The following CDK14 variants were observed in gnomAD, a reference collection of about 807,000 sequenced individuals.
CDK14 encodes the protein cyclin dependent kinase 14, also known as cyclin-dependent kinase 14.
In CDK14, 34 loss-of-function variants were observed where a neutral mutation model predicts 60.7. The observed-to-expected ratio is 0.56, with a 90% CI of 0.43 to 0.75. The LOEUF (loss-of-function observed/expected upper bound fraction) is 0.75, where lower values mean the gene tolerates loss of function less well. Ranked by LOEUF, CDK14 falls within the 30% of genes least tolerant of loss-of-function variation. The pLI, the probability that CDK14 is intolerant of heterozygous loss-of-function variation, is 0.00. For missense variants in CDK14, 482 were observed against 564.1 expected, an observed-to-expected ratio of 0.85 and a Z score of 1.47; for synonymous variants, 197 against 203.7, an observed-to-expected ratio of 0.97 and a Z score of 0.28.
chr7:91,155,767 C>T (rs944773738), intron 14 of CDK14, among the ~76,000 whole-genome samples: 3 of 152,050 alleles, frequency 2.0e-5, no homozygotes, highest in African/African-American at 7.2e-5. Flanking sequence ...GTAGAATGAC[C>T]CATTAACAAG....
At chr7:91,135,302 T>C (rs2115570051) in intron 14 of CDK14, among the ~76,000 whole-genome samples, 2 of 152,270 alleles carry the variant, frequency 1.3e-5, no homozygotes, top group African/African-American at 4.8e-5. Context: ...ATGCCTCACT[T>C]GTTGGCTTTT....
chr7:91,079,443 C>G lies in CDK14; in HGVS notation c.1117C>G (p.Leu373Val). ...LPHFKPERFTLYSSKNLRQAW... is the reference protein window; with the variant it reads ...LPHFKPERFTVYSSKNLRQAW... ...CTTTTTTATTTCAGAACGCTTTACC[C>G]TGTACAGCTCTAAAAACCTTAGACA... Residue 373 changes from leucine (L) to valine (V), a missense_variant, in exon 12 of 15, where the codon CTG becomes GTG. By Grantham distance (32) the Leu-to-Val change is conservative (BLOSUM62 1). Coordinates refer to ENST00000380050, the MANE Select transcript of CDK14 (RefSeq NM_001287135.2). 6.3e-7 allele frequency: 1 copy of G among 1,597,362 alleles called. No individual in the cohort carries two copies. Among genetic ancestry groups the G allele is most frequent in the Non-Finnish European group, 8.6e-7 (1 of 1,166,230 alleles).
chr7:90,629,101 A>G (rs1799937776), intron 2 of CDK14, among the ~76,000 whole-genome samples: 1 of 152,122 alleles, frequency 6.6e-6, no homozygotes, highest in African/African-American at 2.4e-5. Context: ...AAATTCAGAG[A>G]TGATTTCATT....
At chr7:90,843,628 C>T (rs979610513) in intron 5 of CDK14, among the ~76,000 whole-genome samples, 2 of 152,216 alleles carry the variant, frequency 1.3e-5, no homozygotes, top group South Asian at 4.1e-4. Flanking sequence ...TGGCTTGAGA[C>T]CCATGGCAAA....
At chr7:91,206,916 A>T (rs1185166672) in intron 14 of CDK14, among the ~76,000 whole-genome samples, 1 of 152,216 alleles carries the variant, frequency 6.6e-6, no homozygotes, top group Non-Finnish European at 1.5e-5. Context: ...AGGAAGATAG[A>T]CCAATTCAGT....
At chr7:90,679,306 A>G (rs924423561) in intron 2 of CDK14, among the ~76,000 whole-genome samples, 1 of 152,226 alleles carries the variant, frequency 6.6e-6, no homozygotes, top group African/African-American at 2.4e-5. Context: ...CTTAAACTGT[A>G]TTAACTGATT....
At chr7:90,638,581 A>G (rs1800222337) in intron 2 of CDK14, among the ~76,000 whole-genome samples, 1 of 151,938 alleles carries the variant, frequency 6.6e-6, no homozygotes, top group African/African-American at 2.4e-5. Flanking sequence ...CTTCATTTCA[A>G]CTTTTGTGAA....
intron 11 of CDK14, among the ~76,000 whole-genome samples, chr7:91,075,553 G>A (rs892987333): frequency 3.3e-5 from 5 of 152,156 alleles, no homozygotes; most frequent in Admixed American, 6.5e-5. Flanking sequence ...TTTGAAAACC[G>A]TCACAAGACA....
intron 7 of CDK14, among the ~76,000 whole-genome samples, chr7:90,906,819 A>G (rs1792723482): frequency 6.6e-6 from 1 of 152,034 alleles, no homozygotes; most frequent in South Asian, 2.1e-4. Context: ...AAAACAATAT[A>G]ATTTTGTACT....
rs780939751 is a variant in CDK14, at chr7:90,802,072, G to A, written c.544+11420G>A. Among the ~76,000 whole-genome samples the A allele has an allele frequency of 1.6e-4, 24 of 152,110 alleles. 1 individual carries two copies. Among genetic ancestry groups the A allele is most frequent in the Non-Finnish European group, 3.2e-4 (22 of 68,022 alleles). On this transcript the variant is annotated intron_variant, in intron 5 of 14. Coordinates refer to ENST00000380050, the MANE Select transcript of CDK14 (RefSeq NM_001287135.2). ...AACCTCCTTCTTTAATAGACTGGAG[G>A]GCTGTTGCAGGGAGAGGAAGAAAGG... is the stretch of plus-strand genomic sequence containing the variant.
intron 4 of CDK14, among the ~76,000 whole-genome samples, chr7:90,772,635 T>C (rs1384134086): frequency 6.6e-6 from 1 of 152,180 alleles, no homozygotes; most frequent in Non-Finnish European, 1.5e-5. Context: ...TTGCTTCCCC[T>C]TCGCCCTTCT....
intron 8 of CDK14, among the ~76,000 whole-genome samples, chr7:90,928,837 C>T (rs1273000223): frequency 6.6e-6 from 1 of 152,238 alleles, no homozygotes; most frequent in African/African-American, 2.4e-5. Context: ...TGTACAGAGG[C>T]AGGCAGGCTT....
At chr7:90,672,502 GTTTTTTTTTTTTTTTT>G (rs201978996) in intron 2 of CDK14, among the ~76,000 whole-genome samples, 13 of 49,996 alleles carry the variant, frequency 2.6e-4, no homozygotes, top group South Asian at 2.2e-3. Flanking sequence ...TTCTTCTTCT[GTTTTTTTTTTTTTTTT>G]TTTTTTTTTT....
chr7:90,881,616 A>AC (rs1791756713), intron 6 of CDK14, among the ~76,000 whole-genome samples: 1 of 152,172 alleles, frequency 6.6e-6, no homozygotes, highest in Admixed American at 6.5e-5. Context: ...GAGAAGATTA[A>AC]CCCCAAGACA....
At chr7:91,062,689 A>C (rs1797840968) in intron 11 of CDK14, among the ~76,000 whole-genome samples, 2 of 152,142 alleles carry the variant, frequency 1.3e-5, no homozygotes, top group East Asian at 1.9e-4. Flanking sequence ...AGGTCCTCTC[A>C]CTAGGGAAGG....
chr7:90,741,699 C>A (rs1371838251), intron 3 of CDK14, among the ~76,000 whole-genome samples: 2 of 152,088 alleles, frequency 1.3e-5, no homozygotes, highest in African/African-American at 4.8e-5. Flanking sequence ...AGCACAAATG[C>A]TTGTTAATAA....
rs551845486 is a variant in CDK14 at position 91,166,302 on chromosome 7, A to G, written c.*29-40863A>G. ...AGGCTCAGTGTGTCTTCTGTGAAAG[A>G]CCAAATATCATCCCAGTGGACCTGA... On this transcript the variant is annotated intron_variant, in intron 14 of 14. Transcript: ENST00000380050. 2.0e-5 allele frequency among the ~76,000 whole-genome samples: 3 copies of G among 152,324 alleles called. No homozygotes were observed. The South Asian group carries it at 6.2e-4, about 32-fold the overall frequency.
chr7:91,102,901 A>G (rs963549183), intron 12 of CDK14, among the ~76,000 whole-genome samples: 7 of 152,166 alleles, frequency 4.6e-5, no homozygotes, highest in African/African-American at 1.7e-4. Context: ...TGATATACTC[A>G]TTACTCAAGC....
intron 5 of CDK14, among the ~76,000 whole-genome samples, chr7:90,860,446 A>ATAAATCT (rs527475510): frequency 6.2e-4 from 95 of 152,218 alleles, no homozygotes; most frequent in Admixed American, 2.4e-3. Flanking sequence ...ATTTATAAAC[A>ATAAATCT]TAAATCTTAA....
Sources: gnomAD v4.1 joint callset for allele counts (sites outside exome capture counted in the v4.1 genomes callset) on GRCh38, gnomAD v4.1.1 for gene constraint, MANE v1.5 for transcripts, NCBI Gene and HGNC (gene_info 2026-07-23, HGNC 2026-07-21) for gene names.